Variants in ZNF503 observed in about 807,000 individuals in gnomAD.
ZNF503 encodes the protein NocA-like zinc finger 2.
In ZNF503, 15 loss-of-function variants were observed where a neutral mutation model predicts 34.4. The ratio of observed to expected loss-of-function variants is 0.44; its 90% confidence interval spans 0.29 to 0.67. The LOEUF (loss-of-function observed/expected upper bound fraction) is 0.67, where lower values mean the gene tolerates loss of function less well. ZNF503 is among the 30% of genes least tolerant of loss of function. ZNF503 has a pLI of 0.13. For missense variants in ZNF503, 1,007 were observed against 926.8 expected (o/e 1.09, Z -1.12); for synonymous variants, 580 against 456.8 (o/e 1.27, Z -3.44).
chr10:75,391,356 A>G, the ZNF503 span, among the ~76,000 whole-genome samples: 1 of 152,086 alleles, frequency 6.6e-6, no homozygotes, highest in Non-Finnish European at 1.5e-5. Context: ...GAATGAGCTG[A>G]TGGTGCCTGA....
At chr10:75,308,274 T>G in the ZNF503 span, among the ~76,000 whole-genome samples, 6 of 151,698 alleles carry the variant, frequency 4.0e-5, no homozygotes, top group Non-Finnish European at 8.8e-5. Context: ...CATAGTTTAC[T>G]GAATATTTTA....
chr10:75,303,752 C>G, the ZNF503 span, among the ~76,000 whole-genome samples: 3 of 151,990 alleles, frequency 2.0e-5, no homozygotes, highest in Non-Finnish European at 4.4e-5. Flanking sequence ...GTAAGCAAGG[C>G]ACAACTGGCC....
chr10:75,301,536 C>T, the ZNF503 span, among the ~76,000 whole-genome samples: 32 of 152,060 alleles, frequency 2.1e-4, no homozygotes, highest in East Asian at 5.8e-4. Flanking sequence ...CCACCATGCC[C>T]GGCCATTTCT....
rs371070869 is a variant in ZNF503 at position 75,398,864 on chromosome 10, G to A, written c.1826C>T (p.Pro609Leu). ...CACGGGGGCGCCAGGCGTGGGAAGCGGGCTCTTGGAGTAGGGGTGGTAGCG... is the reference window on the plus strand; with the variant it reads ...CACGGGGGCGCCAGGCGTGGGAAGCAGGCTCTTGGAGTAGGGGTGGTAGCG... ...SSRYHPYSKS[P>L]LPTPGAPVPV... is the part of the protein sequence containing the mutation. Residue 609 changes from proline to leucine, a missense_variant, in exon 2 of 2, where the codon CCG becomes CTG. By Grantham distance (98) the Pro-to-Leu change is moderately conservative. Coordinates refer to ENST00000372524, the MANE Select transcript of ZNF503 (RefSeq NM_032772.6). 83 of 1,512,718 alleles carry A rather than the reference G, an allele frequency of 5.5e-5. No individual in the cohort carries two copies. Among genetic ancestry groups the A allele is most frequent in the African/African-American group, 7.0e-5 (5 of 71,778 alleles). The allele number at this position is 1,512,718 out of a possible 1,614,324, so 93.7% of individuals were successfully genotyped here. A position where few individuals can be genotyped will look rare whatever the true frequency, so the allele number is the denominator to read the frequency against.
At chr10:75,369,403 G>A in the ZNF503 span, among the ~76,000 whole-genome samples, 887 of 152,252 alleles carry the variant, frequency 5.8e-3, 7 homozygotes, top group African/African-American at 0.02. Flanking sequence ...TGCTGTTCTC[G>A]TGATACTAAG....
the ZNF503 span, among the ~76,000 whole-genome samples, chr10:75,386,620 A>C: frequency 6.6e-6 from 1 of 151,972 alleles, no homozygotes; most frequent in Non-Finnish European, 1.5e-5. Flanking sequence ...AGACCTCCAC[A>C]TTGGTTTCTT....
the ZNF503 span, among the ~76,000 whole-genome samples, chr10:75,343,705 C>T: frequency 6.6e-6 from 1 of 152,214 alleles, no homozygotes; most frequent in Non-Finnish European, 1.5e-5. Flanking sequence ...CCCTGGATTT[C>T]TGCGGCCCTA....
chr10:75,306,322 T>C, the ZNF503 span, among the ~76,000 whole-genome samples: 1 of 152,172 alleles, frequency 6.6e-6, no homozygotes. Context: ...CATATACTTA[T>C]TGACTATTTA....
At chr10:75,371,721 T>C in the ZNF503 span, among the ~76,000 whole-genome samples, 1 of 152,118 alleles carries the variant, frequency 6.6e-6, no homozygotes, top group African/African-American at 2.4e-5. Flanking sequence ...CCGCAGATAC[T>C]CCAATCTATG....
the ZNF503 span, among the ~76,000 whole-genome samples, chr10:75,363,081 T>TACACACAC: frequency 1.3e-3 from 191 of 148,758 alleles, no homozygotes; most frequent in African/African-American, 4.1e-3. Flanking sequence ...CATGCATGCA[T>TACACACAC]ACACACACAC....
chr10:75,377,736 C>T, the ZNF503 span, among the ~76,000 whole-genome samples: 1 of 152,166 alleles, frequency 6.6e-6, no homozygotes, highest in Non-Finnish European at 1.5e-5. Context: ...CAGGGAATAC[C>T]ATTGTGCAAT....
At chr10:75,397,517 C>T (rs752319537), downstream of ZNF503, among the ~76,000 whole-genome samples, 10 of 152,228 alleles carry the variant, frequency 6.6e-5, no homozygotes, top group Non-Finnish European at 1.2e-4. Flanking sequence ...TTAACAAAAA[C>T]CCTGTCCCCC....
the ZNF503 span, among the ~76,000 whole-genome samples, chr10:75,300,124 T>C: frequency 6.6e-6 from 1 of 152,132 alleles, no homozygotes; most frequent in Admixed American, 6.5e-5. Context: ...AAGGGGGCCA[T>C]TTTAGAGGCC....
chr10:75,392,493 G>T, the ZNF503 span, among the ~76,000 whole-genome samples: 13 of 152,314 alleles, frequency 8.5e-5, no homozygotes, highest in African/African-American at 3.1e-4. Flanking sequence ...ATTTTTGAGA[G>T]CATTTTGGTA....
downstream of ZNF503, among the ~76,000 whole-genome samples, chr10:75,394,865 T>A (rs1021682891): frequency 6.6e-6 from 1 of 152,144 alleles, no homozygotes; most frequent in Non-Finnish European, 1.5e-5. Flanking sequence ...CTTCAGCAGC[T>A]CTCTCGGAGG....
chr10:75,392,258 C>G, the ZNF503 span, among the ~76,000 whole-genome samples: 2 of 152,178 alleles, frequency 1.3e-5, no homozygotes, highest in Non-Finnish European at 2.9e-5. Context: ...AGGCACAGCC[C>G]TGTATCAGTT....
chr10:75,312,091 A>G, the ZNF503 span, among the ~76,000 whole-genome samples: 1 of 152,070 alleles, frequency 6.6e-6, no homozygotes, highest in Non-Finnish European at 1.5e-5. Context: ...CTGCTTTCAA[A>G]TCTGTCAGAT....
At chr10:75,357,422 G>A in the ZNF503 span, among the ~76,000 whole-genome samples, 1 of 152,082 alleles carries the variant, frequency 6.6e-6, no homozygotes, top group Non-Finnish European at 1.5e-5. Flanking sequence ...GGAGGTTGAA[G>A]TGGGAGGATT....
the ZNF503 span, among the ~76,000 whole-genome samples, chr10:75,348,507 ATTTTTTTTTT>A: frequency 8.1e-4 from 80 of 99,356 alleles, no homozygotes; most frequent in African/African-American, 3.2e-3. Context: ...CCCTATTACT[ATTTTTTTTTT>A]TTTTTTTTTT....
Sources: allele counts gnomAD v4.1 joint callset (sites outside exome capture counted in the v4.1 genomes callset), GRCh38; gene constraint gnomAD v4.1.1; transcripts MANE v1.5; gene names NCBI Gene and HGNC (gene_info 2026-07-23, HGNC 2026-07-21).